The following ASTN2 variants were observed in gnomAD, a reference collection of about 807,000 sequenced individuals.
The protein encoded by ASTN2 is astrotactin 2.
Under a neutral mutation model 139.8 loss-of-function variants are expected in ASTN2, and 54 were observed. The ratio of observed to expected loss-of-function variants is 0.39; its 90% CI spans 0.31 to 0.48. ASTN2 has a LOEUF of 0.48. Among genes scored for constraint, ASTN2 ranks in the 20% least tolerant of loss-of-function variants. The probability of loss-of-function intolerance (pLI) is 0.95; values close to 1 mark genes in which losing one functional copy is unlikely to be tolerated. For synonymous variants in ASTN2, 756 were observed against 719.5 expected, an observed-to-expected ratio of 1.05 and a Z score of -0.81; for missense variants, 1,565 against 1,725.1, an observed-to-expected ratio of 0.91 and a Z score of 1.64.
At chr9:116,966,314 G>T (rs1402404313) in intron 10 of ASTN2, among the ~76,000 whole-genome samples, 4 of 152,136 alleles carry the variant, frequency 2.6e-5, no homozygotes, top group Admixed American at 2.6e-4. Context: ...TTAGCTAACT[G>T]GTTCCCCTTT....
At chr9:116,828,661 C>G (rs970914712) in intron 11 of ASTN2, among the ~76,000 whole-genome samples, 4 of 152,124 alleles carry the variant, frequency 2.6e-5, no homozygotes, top group East Asian at 1.9e-4. Flanking sequence ...CAAAGACATC[C>G]CCTTTCAACA....
chr9:116,645,672 C>A (rs1857554743), intron 17 of ASTN2, among the ~76,000 whole-genome samples: 1 of 152,184 alleles, frequency 6.6e-6, no homozygotes, highest in South Asian at 2.1e-4. Flanking sequence ...AGTTCTCATA[C>A]AGAGGAACTT....
intron 1 of ASTN2, among the ~76,000 whole-genome samples, chr9:117,377,156 G>A (rs1308726931): frequency 1.3e-5 from 2 of 152,196 alleles, no homozygotes; most frequent in African/African-American, 4.8e-5. Context: ...AACTCCTCGG[G>A]ATTTGGCCGA....
chr9:117,080,326 A>C (rs557573318), intron 5 of ASTN2, among the ~76,000 whole-genome samples: 16 of 152,282 alleles, frequency 1.1e-4, no homozygotes, highest in African/African-American at 3.6e-4. Flanking sequence ...ATATTCTCTC[A>C]AGTGGATGCA....
chr9:117,227,703 T>A (rs912006891), intron 2 of ASTN2, among the ~76,000 whole-genome samples: 3 of 152,210 alleles, frequency 2.0e-5, no homozygotes, highest in African/African-American at 7.2e-5. Flanking sequence ...GGTATAGGGA[T>A]AATGAAGACA....
chr9:116,680,895 T>C (rs1859817995), intron 16 of ASTN2, among the ~76,000 whole-genome samples: 1 of 152,192 alleles, frequency 6.6e-6, no homozygotes, highest in Admixed American at 6.5e-5. Context: ...GAGCTATCTA[T>C]GACAAACCCA....
chr9:117,308,585 G>A (rs907892077), intron 1 of ASTN2, among the ~76,000 whole-genome samples: 1 of 152,162 alleles, frequency 6.6e-6, no homozygotes, highest in Non-Finnish European at 1.5e-5. Context: ...CTCCCTGGAA[G>A]AGGCCAAGTG....
intron 6 of ASTN2, among the ~76,000 whole-genome samples, chr9:117,013,353 C>A (rs1564384017): frequency 6.6e-6 from 1 of 151,932 alleles, no homozygotes; most frequent in Non-Finnish European, 1.5e-5. Context: ...CCCCACTTTA[C>A]TGACTGTTCT....
At chr9:116,764,019 T>C (rs1437455536) in intron 13 of ASTN2, among the ~76,000 whole-genome samples, 5 of 152,270 alleles carry the variant, frequency 3.3e-5, no homozygotes, top group Admixed American at 2.6e-4. Flanking sequence ...AACACATCAC[T>C]CACAGAACCT....
intron 16 of ASTN2, among the ~76,000 whole-genome samples, chr9:116,722,514 G>A (rs1390837261): frequency 6.6e-6 from 1 of 152,156 alleles, no homozygotes; most frequent in Non-Finnish European, 1.5e-5. Context: ...TAGGGCATTT[G>A]TTTCTAATAT....
At chr9:117,249,399 T>C (rs1833474982) in intron 2 of ASTN2, among the ~76,000 whole-genome samples, 1 of 152,208 alleles carries the variant, frequency 6.6e-6, no homozygotes, top group African/African-American at 2.4e-5. Flanking sequence ...AAGTGAAGGC[T>C]TTATTTTCAC....
intron 1 of ASTN2, among the ~76,000 whole-genome samples, chr9:117,319,517 C>T (rs1029406047): frequency 9.2e-5 from 14 of 152,052 alleles, no homozygotes; most frequent in African/African-American, 2.4e-5. Flanking sequence ...CAACCTCCAC[C>T]GCCCAGTTCA....
At chr9:116,521,776 G>A (rs1850884697) in intron 19 of ASTN2, among the ~76,000 whole-genome samples, 1 of 150,936 alleles carries the variant, frequency 6.6e-6, no homozygotes, top group Non-Finnish European at 1.5e-5. Flanking sequence ...CTAATATCCA[G>A]AATCTACAAG....
chr9:117,325,658 T>C (rs1176548748), intron 1 of ASTN2, among the ~76,000 whole-genome samples: 3 of 152,144 alleles, frequency 2.0e-5, no homozygotes, highest in Non-Finnish European at 4.4e-5. Flanking sequence ...ATGCAGGGAT[T>C]ACAGGAAGGG....
chr9:116,493,229 C>A (rs1337276741), intron 19 of ASTN2, among the ~76,000 whole-genome samples: 1 of 152,174 alleles, frequency 6.6e-6, no homozygotes, highest in Non-Finnish European at 1.5e-5. Flanking sequence ...ACCTGGGAGG[C>A]CTCTGCTCCG....
rs1722598775 is a variant in ASTN2 at position 116,493,883 on chromosome 9, C to T, written c.3356-6383G>A. 4.6e-5 allele frequency among the ~76,000 whole-genome samples: 7 copies of T among 152,262 alleles called. No individual in the cohort carries two copies. In the South Asian group the frequency reaches 1.4e-3, roughly 32 times the overall value. ...AGGGCTCCACACTCTTTTCGGGAAA[C>T]ACCAAGAGGATTTAGGAGTCGTCAC... On this transcript the variant is annotated intron_variant, in intron 19 of 22. Transcript: ENST00000313400.
chr9:117,067,359 G>C (rs1238089802), intron 5 of ASTN2, among the ~76,000 whole-genome samples: 91 of 133,840 alleles, frequency 6.8e-4, no homozygotes, highest in African/African-American at 2.2e-3. Context: ...CTGTTCCATT[G>C]ATCTATATCT....
intron 2 of ASTN2, among the ~76,000 whole-genome samples, chr9:117,222,765 C>T (rs549220151): frequency 4.6e-5 from 7 of 152,230 alleles, no homozygotes; most frequent in Non-Finnish European, 7.3e-5. Flanking sequence ...ACTCCCACAG[C>T]GCTTCGCCTT....
chr9:116,525,689 G>A (rs1021437510), intron 19 of ASTN2, among the ~76,000 whole-genome samples: 4 of 152,180 alleles, frequency 2.6e-5, no homozygotes, highest in Non-Finnish European at 5.9e-5. Context: ...GGCAGAAGAA[G>A]TATTGAGAAT....
Sources: allele counts gnomAD v4.1 joint callset (sites outside exome capture counted in the v4.1 genomes callset), GRCh38; gene constraint gnomAD v4.1.1; transcripts MANE v1.5; gene names NCBI Gene and HGNC (gene_info 2026-07-23, HGNC 2026-07-21).